FBXO11: variants seen among roughly 807,000 people sequenced by gnomAD.
FBXO11 encodes the protein F-box protein 11.
A neutral mutation model predicts 117.0 loss-of-function variants in FBXO11; 13 were observed. The ratio of observed to expected loss-of-function variants is 0.11; its 90% CI spans 0.07 to 0.18. FBXO11 has a LOEUF of 0.18. Ranked by LOEUF, FBXO11 falls within the 10% of genes least tolerant of loss-of-function variation. The pLI is 1.00. For synonymous variants in FBXO11, 490 were observed against 380.5 expected, an observed-to-expected ratio of 1.29 and a Z score of -3.35; for missense variants, 767 against 1,164.4, an observed-to-expected ratio of 0.66 and a Z score of 4.97.
intron 1 of FBXO11, among the ~76,000 whole-genome samples, chr2:47,851,408 T>C (rs1673849947): frequency 6.6e-6 from 1 of 152,118 alleles, no homozygotes; most frequent in South Asian, 2.1e-4. Flanking sequence ...TTTTTGTATT[T>C]AGTAGAGATG....
chr2:47,894,132 C>G (rs142836573), intron 1 of FBXO11, among the ~76,000 whole-genome samples: 8 of 152,298 alleles, frequency 5.3e-5, no homozygotes, highest in African/African-American at 1.9e-4. Context: ...TTATGTGCCA[C>G]TAGCACTTTA....
At chr2:47,881,917 T>A (rs967739329) in intron 1 of FBXO11, among the ~76,000 whole-genome samples, 4 of 152,130 alleles carry the variant, frequency 2.6e-5, no homozygotes, top group Non-Finnish European at 5.9e-5. Flanking sequence ...CCAGCTAATT[T>A]TTATATTTTT....
chr2:47,868,245 T>C (rs1383292867), intron 1 of FBXO11, among the ~76,000 whole-genome samples: 1 of 137,658 alleles, frequency 7.3e-6, no homozygotes, highest in Non-Finnish European at 1.5e-5. Context: ...ATCGCGCCAC[T>C]GCACTACAGC....
chr2:47,814,442 G>A (rs1025535594), intron 16 of FBXO11: 1 of 143,298 alleles, frequency 7.0e-6, no homozygotes, highest in African/African-American at 2.7e-5. Flanking sequence ...GCAGTGGCAT[G>A]ATCATAGCTC....
In FBXO11 at chr2:47,900,901, C is replaced by CGTATATAT. The variant is rs1572933478; in HGVS notation, c.232+4587_232+4588insATATATAC. On this transcript the variant is annotated intron_variant, in intron 1 of 22. Coordinates refer to ENST00000403359, the MANE Select transcript of FBXO11 (RefSeq NM_001190274.2). ...GTATATATATACACGTATATATACACACATATATATGTATATATATACACG... is the reference window on the plus strand; with the variant it reads ...GTATATATATACACGTATATATACACGTATATATACATATATATGTATATATATACACG... 2.8e-5 allele frequency among the ~76,000 whole-genome samples: 4 copies of CGTATATAT among 142,690 alleles called. No homozygotes were observed. The East Asian group carries it at 8.3e-4, about 29-fold the overall frequency. The allele number at this position is 142,690 out of a possible 152,430, so 93.6% of individuals were successfully genotyped here.
chr2:47,885,014 G>C (rs1318933064), intron 1 of FBXO11, among the ~76,000 whole-genome samples: 1 of 152,084 alleles, frequency 6.6e-6, no homozygotes, highest in Non-Finnish European at 1.5e-5. Context: ...TTACCAAACA[G>C]TATTATAAAG....
At chr2:47,842,520 A>G (rs893293647) in intron 1 of FBXO11, among the ~76,000 whole-genome samples, 1 of 152,176 alleles carries the variant, frequency 6.6e-6, no homozygotes, top group Admixed American at 6.6e-5. Context: ...TAAAAGTGTA[A>G]TATTTAAAAG....
At chr2:47,812,684 A>G (rs1458366299) in intron 18 of FBXO11, among the ~76,000 whole-genome samples, 1 of 152,174 alleles carries the variant, frequency 6.6e-6, no homozygotes, top group East Asian at 1.9e-4. Context: ...ACAGCGATAG[A>G]TTTGCATTTG....
rs1187753547 is a variant in FBXO11 at position 47,905,426 on chromosome 2, G to T, written c.232+63C>A. 1.5e-4 allele frequency: 159 copies of T among 1,094,522 alleles called. No homozygotes were observed. In the South Asian group the frequency reaches 6.2e-3, roughly 42 times the overall value. 67.8% of individuals were successfully genotyped at this position (1,094,522 alleles called of 1,614,324 possible). On this transcript the variant is annotated intron_variant, in intron 1 of 22. Transcript: ENST00000403359. ...CCCCCGCCCGCCCGCCCGCCCGCCC[G>T]CCCCGGCCTCCCTTCCCGCGGTGCC...
chr2:47,849,650 G>C (rs1274886164), intron 1 of FBXO11, among the ~76,000 whole-genome samples: 1 of 152,180 alleles, frequency 6.6e-6, no homozygotes, highest in Non-Finnish European at 1.5e-5. Flanking sequence ...AAAGTATTGA[G>C]GGAATATTTA....
At chr2:47,837,553 T>C (rs908986773) in intron 4 of FBXO11, among the ~76,000 whole-genome samples, 15 of 152,144 alleles carry the variant, frequency 9.9e-5, no homozygotes, top group African/African-American at 2.2e-4. Flanking sequence ...CATATATATA[T>C]ATGGTGCACC....
At position 47,810,516 on chromosome 2, in the gene FBXO11, T is replaced by TAAAA. The variant is rs1254182800; in HGVS notation, c.2228-91_2228-90insTTTT. On this transcript the variant is annotated intron_variant, in intron 18 of 22. Transcript: ENST00000403359. The stretch of plus-strand genomic sequence containing the variant: ...GTATTTAGGTTTGCTTTTAGTTTCT[T>TAAAA]ATTTAACTGCATGGTAAAATTCACA... 4.3e-6 allele frequency: 3 copies of TAAAA among 694,840 alleles called. No individual in the cohort carries two copies. The African/African-American group carries it at 5.6e-5, about 13-fold the overall frequency. The allele number at this position is 694,840 out of a possible 1,614,324, so 43.0% of individuals were successfully genotyped here. A position where few individuals can be genotyped will look rare whatever the true frequency, so the allele number is the denominator to read the frequency against.
intron 1 of FBXO11, 153 bp downstream of exon 1, chr2:47,905,336 A>G: frequency 2.6e-6 from 2 of 763,750 alleles, no homozygotes; most frequent in Middle Eastern, 5.1e-4. Context: ...CCGGGCTGAC[A>G]CTGCGGCACC....
intron 1 of FBXO11, among the ~76,000 whole-genome samples, chr2:47,855,906 T>C (rs1287090333): frequency 1.3e-5 from 2 of 149,854 alleles, no homozygotes; most frequent in East Asian, 2.0e-4. Flanking sequence ...CCTGGTAAGA[T>C]ATAGATGAGC....
rs371410875 is a variant in FBXO11, at chr2:47,835,998, T to C, written c.591A>G (p.Lys197=). The C allele has an allele frequency of 6.9e-6, 11 of 1,583,314 alleles. No individual in the cohort carries two copies. The highest frequency in any genetic ancestry group is 1.7e-4 in the Middle Eastern group (1 of 5,814). The change falls in exon 5 of 23, where the codon AAA becomes AAG. Residue 197 remains lysine, a synonymous_variant. Transcript: ENST00000403359. ...SELANDPILW[K]RLYMEVFEYT... ...ATTCAAATACTTCCATATATAATCG[T>C]TTCCTGAACAGAGAAAGGAATTAAA...
chr2:47,829,267 G>C (rs950832496), intron 11 of FBXO11, among the ~76,000 whole-genome samples: 2 of 145,734 alleles, frequency 1.4e-5, no homozygotes, highest in Admixed American at 6.8e-5. Flanking sequence ...TTGAGACAGA[G>C]TCTTGCTCTG....
In FBXO11 at chr2:47,839,710, G is replaced by C. The variant is rs1672868097; in HGVS notation, c.292C>G (p.Pro98Ala). The change falls in exon 2 of 23, where the codon CCA (proline) becomes GCA (alanine). Residue 98 changes from proline (P) to alanine (A), a missense_variant. By Grantham distance (27) the Pro-to-Ala change is conservative. Around this residue, in one of 10 missense-constraint regions of FBXO11, gnomAD observed 355 missense variants for 299.8 expected, o/e 1.18. Transcript: ENST00000403359. ...AGAGTTTTTCTACGAAGTTGGTATG[G>C]ACTATTTTGTGCACCAGGACCTGAT... is the stretch of plus-strand genomic sequence containing the variant. ...EESGPGAQNS[P>A]YQLRRKTLLP... The C allele has an allele frequency of 1.2e-6, 2 of 1,613,976 alleles. No homozygotes were observed. Among genetic ancestry groups the C allele is most frequent in the Non-Finnish European group, 1.7e-6 (2 of 1,179,962 alleles).
chr2:47,813,499 T>C lies in FBXO11; in HGVS notation c.2084-122A>G, dbSNP rs1315462927. 5 of 674,378 alleles carry C rather than the reference T, an allele frequency of 7.4e-6. No individual in the cohort carries two copies. The Admixed American group carries it at 1.2e-4, about 16-fold the overall frequency. 41.8% of individuals were successfully genotyped at this position (674,378 alleles called of 1,614,324 possible). A position where few individuals can be genotyped will look rare whatever the true frequency, so the allele number is the denominator to read the frequency against. On this transcript the variant is annotated intron_variant, in intron 17 of 22. Transcript: ENST00000403359. ...GGCTGGAGTGTGCAGTGGCGCGATC[T>C]TGGCTCACTGCAACCTCCACCTCCC... is the stretch of plus-strand genomic sequence containing the variant.
At chr2:47,900,640 GTATA>G (rs1484351873) in intron 1 of FBXO11, among the ~76,000 whole-genome samples, 1 of 73,404 alleles carries the variant, frequency 1.4e-5, no homozygotes. Context: ...ACACACGTAC[GTATA>G]TACACACGTA....
Sources: allele counts gnomAD v4.1 joint callset (sites outside exome capture counted in the v4.1 genomes callset), GRCh38; gene constraint gnomAD v4.1.1; regional missense constraint gnomAD v4.1.1; transcripts MANE v1.5; gene names NCBI Gene and HGNC (gene_info 2026-07-23, HGNC 2026-07-21).